SLC39A12: variants seen among roughly 807,000 people sequenced by gnomAD.
The protein encoded by SLC39A12 is solute carrier family 39 member 12, also known as zinc transporter ZIP12.
In SLC39A12, 63 loss-of-function variants were observed where a neutral mutation model predicts 71.1. The ratio of observed to expected loss-of-function variants is 0.89; its 90% CI spans 0.72 to 1.09. The LOEUF is 1.09. Among genes scored for constraint, SLC39A12 ranks in the 50% least tolerant of loss-of-function variants. The pLI, the probability that SLC39A12 is intolerant of heterozygous loss-of-function variation, is 0.00. For missense variants in SLC39A12, 892 were observed against 812.6 expected, an observed-to-expected ratio of 1.10 and a Z score of -1.19; for synonymous variants, 351 against 301.3, an observed-to-expected ratio of 1.16 and a Z score of -1.71.
chr10:17,965,130 C>T (rs1020431620), intron 3 of SLC39A12, among the ~76,000 whole-genome samples: 20 of 151,946 alleles, frequency 1.3e-4, no homozygotes, highest in Non-Finnish European at 2.9e-5. Flanking sequence ...TCGCTTGAAC[C>T]CGGGAGGTGG....
chr10:17,994,907 A>G (rs1835646156), intron 9 of SLC39A12, among the ~76,000 whole-genome samples: 1 of 152,218 alleles, frequency 6.6e-6, no homozygotes, highest in Admixed American at 6.5e-5. Flanking sequence ...AAAAGGACAT[A>G]TTTAATATGC....
intron 4 of SLC39A12, among the ~76,000 whole-genome samples, chr10:17,968,049 G>A (rs1834878332): frequency 6.6e-6 from 1 of 151,024 alleles, no homozygotes; most frequent in South Asian, 2.1e-4. Context: ...GCTGATCTTT[G>A]TTTGTGTGTG....
chr10:18,036,794 A>ATATATATATTTT (rs1554855475), intron 12 of SLC39A12, among the ~76,000 whole-genome samples: 3 of 92,856 alleles, frequency 3.2e-5, no homozygotes, highest in Admixed American at 1.5e-4. Context: ...ATATATATAT[A>ATATATATATTTT]TTTTTTTTTT....
intron 9 of SLC39A12, among the ~76,000 whole-genome samples, chr10:17,993,924 C>T (rs796526006): frequency 6.6e-6 from 1 of 152,268 alleles, no homozygotes; most frequent in African/African-American, 2.4e-5. Flanking sequence ...CCTCCTGGAA[C>T]CATGGCCTTA....
intron 12 of SLC39A12, among the ~76,000 whole-genome samples, chr10:18,013,346 T>C (rs1589248262): frequency 7.2e-6 from 1 of 139,848 alleles, no homozygotes; most frequent in Non-Finnish European, 1.5e-5. Flanking sequence ...TCCAACTTTA[T>C]TTATTATTAT....
chr10:18,040,950 C>T (rs537130130), intron 12 of SLC39A12, among the ~76,000 whole-genome samples: 1 of 152,074 alleles, frequency 6.6e-6, no homozygotes, highest in South Asian at 2.1e-4. Context: ...GGCAGAGACA[C>T]AGCTGACATC....
chr10:17,996,327 A>G (rs1835682204), intron 10 of SLC39A12, among the ~76,000 whole-genome samples: 1 of 152,140 alleles, frequency 6.6e-6, no homozygotes, highest in Non-Finnish European at 1.5e-5. Flanking sequence ...ATGTTTCTGA[A>G]TAATTCTTGA....
At chr10:18,024,927 C>A (rs1417559773) in intron 12 of SLC39A12, among the ~76,000 whole-genome samples, 1 of 152,152 alleles carries the variant, frequency 6.6e-6, no homozygotes, top group Non-Finnish European at 1.5e-5. Flanking sequence ...TCGCTACGAC[C>A]ACTTATATAC....
intron 6 of SLC39A12, among the ~76,000 whole-genome samples, chr10:17,986,739 G>T (rs1254228935): frequency 1.3e-5 from 2 of 152,204 alleles, no homozygotes; most frequent in Non-Finnish European, 2.9e-5. Context: ...GGGTGCTGTG[G>T]CTTATGCCTG....
chr10:17,987,884 G>T (rs1835444081), intron 7 of SLC39A12, among the ~76,000 whole-genome samples: 1 of 151,970 alleles, frequency 6.6e-6, no homozygotes, highest in Non-Finnish European at 1.5e-5. Flanking sequence ...ATAAAACAAA[G>T]GAAAGGTGGC....
Position 17,981,494 on chromosome 10 carries a change from G to A in SLC39A12, c.1096+11G>A, listed in dbSNP as rs763576102. 13 of 1,595,008 alleles carry A rather than the reference G, an allele frequency of 8.2e-6. No homozygotes were observed. Among genetic ancestry groups the A allele is most frequent in the Non-Finnish European group, 1.1e-5 (13 of 1,169,428 alleles). On this transcript the variant is annotated intron_variant, in intron 6 of 12. Coordinates refer to ENST00000377369, the MANE Select transcript of SLC39A12 (RefSeq NM_001145195.2). ...CTACCACTCTGGAGAGTAAGTTCTG[G>A]ATCTTCCTTCAGAAAGCTGATGTGC...
At chr10:18,013,335 A>C (rs1472483313) in intron 12 of SLC39A12, among the ~76,000 whole-genome samples, 1 of 132,916 alleles carries the variant, frequency 7.5e-6, no homozygotes, top group Non-Finnish European at 1.6e-5. Context: ...TTAGGTAAAC[A>C]TCCAACTTTA....
chr10:18,022,427 A>G (rs1189386843), intron 12 of SLC39A12, among the ~76,000 whole-genome samples: 3 of 151,936 alleles, frequency 2.0e-5, no homozygotes, highest in Non-Finnish European at 4.4e-5. Context: ...TCTGCTGTCA[A>G]TACTTCTGAT....
At chr10:17,959,881 T>C (rs1247230891) in intron 2 of SLC39A12, among the ~76,000 whole-genome samples, 1 of 152,186 alleles carries the variant, frequency 6.6e-6, no homozygotes, top group South Asian at 2.1e-4. Flanking sequence ...AGACTTTTCC[T>C]CTAACATCTT....
intron 12 of SLC39A12, among the ~76,000 whole-genome samples, chr10:18,037,233 A>G (rs534370835): frequency 6.6e-6 from 1 of 152,280 alleles, no homozygotes; most frequent in African/African-American, 2.4e-5. Context: ...AGTGTTGATT[A>G]TTGATAATTC....
intron 2 of SLC39A12, among the ~76,000 whole-genome samples, chr10:17,961,172 G>A (rs1834678959): frequency 6.6e-6 from 1 of 152,266 alleles, no homozygotes; most frequent in South Asian, 2.1e-4. Context: ...AATCACAGGG[G>A]CAGAAGTTGA....
At chr10:18,040,300 T>C (rs551755046) in intron 12 of SLC39A12, among the ~76,000 whole-genome samples, 201 of 152,298 alleles carry the variant, frequency 1.3e-3, no homozygotes, top group African/African-American at 4.6e-3. Context: ...TTGTTTAAAA[T>C]GGTCCACCCA....
At chr10:18,034,739 G>A (rs1193943800) in intron 12 of SLC39A12, among the ~76,000 whole-genome samples, 1 of 151,566 alleles carries the variant, frequency 6.6e-6, no homozygotes, top group Non-Finnish European at 1.5e-5. Flanking sequence ...TTTCTTCCTA[G>A]TCTCGATGGT....
Position 18,003,295 on chromosome 10 carries a change from T to C in SLC39A12, c.1884T>C (p.Cys628=), listed in dbSNP as rs556263386. Reference sequence around the variant, plus strand: ...GCCTTTCCGTGTCAGCTGATCCATGTGTTCAAGACTGGATCTTCACAGTCA... The same window carrying C: ...GCCTTTCCGTGTCAGCTGATCCATGCGTTCAAGACTGGATCTTCACAGTCA... ...YIGLSVSADP[C]VQDWIFTVTA... is the part of the protein sequence containing the mutation. Residue 628 remains cysteine (C), a synonymous_variant, in exon 12 of 13, where the codon TGT becomes TGC. Coordinates refer to ENST00000377369, the MANE Select transcript of SLC39A12 (RefSeq NM_001145195.2). 2.5e-6 allele frequency: 4 copies of C among 1,614,126 alleles called. No individual in the cohort carries two copies. In the South Asian group the frequency reaches 4.4e-5, roughly 18 times the overall value.
Sources: allele counts gnomAD v4.1 joint callset (sites outside exome capture counted in the v4.1 genomes callset), GRCh38; gene constraint gnomAD v4.1.1; transcripts MANE v1.5; gene names NCBI Gene and HGNC (gene_info 2026-07-23, HGNC 2026-07-21).